RBMS3: variants seen among roughly 807,000 people sequenced by gnomAD.
RBMS3 encodes the protein RNA-binding motif, single-stranded-interacting protein 3.
In RBMS3, 27 loss-of-function variants were observed where a neutral mutation model predicts 66.8. The observed-to-expected ratio is 0.40, with a 90% CI of 0.30 to 0.56. The LOEUF is 0.56. RBMS3 is among the 20% of genes least tolerant of loss of function. The pLI is 0.40. For synonymous variants in RBMS3, 188 were observed against 183.0 expected, an observed-to-expected ratio of 1.03 and a Z score of -0.22; for missense variants, 513 against 549.5, an observed-to-expected ratio of 0.93 and a Z score of 0.66.
chr3:29,769,657 G>C (rs1054487824), intron 6 of RBMS3, among the ~76,000 whole-genome samples: 2 of 151,756 alleles, frequency 1.3e-5, no homozygotes, highest in African/African-American at 4.8e-5. Flanking sequence ...TTCCAAACCA[G>C]AGTATTTTTC....
In RBMS3 at chr3:30,003,838, A is replaced by T. The variant is rs1226516607; in HGVS notation, c.1308-18A>T. On this transcript the variant is annotated intron_variant, in intron 14 of 14. Transcript: ENST00000383767. ...TTACTTTAATTTAATGACCACTCTT[A>T]TTCAATTGTTTTCACAGACCATAAA... is the stretch of plus-strand genomic sequence containing the variant. 7.0e-7 allele frequency: 1 copy of T among 1,425,208 alleles called. No homozygotes were observed. The allele number at this position is 1,425,208 out of a possible 1,614,324, so 88.3% of individuals were successfully genotyped here.
intron 3 of RBMS3, among the ~76,000 whole-genome samples, chr3:29,502,206 G>T (rs1386023413): frequency 1.3e-5 from 2 of 151,934 alleles, no homozygotes; most frequent in Non-Finnish European, 2.9e-5. Context: ...ACTTTCAATA[G>T]CCTATACCAT....
At chr3:29,817,980 G>A (rs1362468321) in intron 6 of RBMS3, among the ~76,000 whole-genome samples, 1 of 151,900 alleles carries the variant, frequency 6.6e-6, no homozygotes, top group Non-Finnish European at 1.5e-5. Flanking sequence ...CTCTATGTTA[G>A]GTCAGATGTT....
At chr3:29,488,730 C>T (rs958995820) in intron 3 of RBMS3, among the ~76,000 whole-genome samples, 3 of 152,186 alleles carry the variant, frequency 2.0e-5, no homozygotes, top group Non-Finnish European at 4.4e-5. Flanking sequence ...TATCAAATTG[C>T]TTCAGCATAA....
At chr3:29,377,981 T>G (rs891101601) in intron 1 of RBMS3, among the ~76,000 whole-genome samples, 2 of 152,206 alleles carry the variant, frequency 1.3e-5, no homozygotes, top group Non-Finnish European at 2.9e-5. Flanking sequence ...ATTCCTGATA[T>G]TATCACCTTA....
chr3:29,707,578 C>T (rs1303457030), intron 4 of RBMS3, among the ~76,000 whole-genome samples: 3 of 152,134 alleles, frequency 2.0e-5, no homozygotes, highest in African/African-American at 7.2e-5. Context: ...TTTGCACACA[C>T]AAAAAAGCTG....
At chr3:29,317,329 G>A (rs1277745512) in intron 1 of RBMS3, among the ~76,000 whole-genome samples, 1 of 151,624 alleles carries the variant, frequency 6.6e-6, no homozygotes, top group Non-Finnish European at 1.5e-5. Flanking sequence ...TGTCCAGATA[G>A]GATATTCTTT....
intron 4 of RBMS3, among the ~76,000 whole-genome samples, chr3:29,679,916 C>A (rs2051418350): frequency 7.0e-6 from 1 of 143,618 alleles, no homozygotes; most frequent in African/African-American, 3.0e-5. Flanking sequence ...GCCTGTCTAG[C>A]TGCCCTTAAA....
rs947881960 is a variant in RBMS3, at chr3:29,937,876, A to G, written c.1050+1680A>G. Among the ~76,000 whole-genome samples the G allele has an allele frequency of 6.6e-5, 10 of 151,930 alleles. No homozygotes were observed. The South Asian group carries it at 2.1e-3, about 31-fold the overall frequency. On this transcript the variant is annotated intron_variant, in intron 11 of 14. Coordinates refer to ENST00000383767, the MANE Select transcript of RBMS3 (RefSeq NM_001003793.3). Reference sequence around the variant, plus strand: ...AGGCCTGCAGTTTCTTATTTTTATTAATATATTGTAGATTTCCCTCCATAT... The same window carrying G: ...AGGCCTGCAGTTTCTTATTTTTATTGATATATTGTAGATTTCCCTCCATAT...
intron 4 of RBMS3, among the ~76,000 whole-genome samples, chr3:29,615,723 G>C (rs1468870992): frequency 6.6e-6 from 1 of 152,116 alleles, no homozygotes; most frequent in Non-Finnish European, 1.5e-5. Context: ...AACGAATATA[G>C]AGTTCCATAA....
chr3:29,422,296 T>C (rs949678601), intron 1 of RBMS3, among the ~76,000 whole-genome samples: 7 of 151,906 alleles, frequency 4.6e-5, no homozygotes, highest in Non-Finnish European at 1.0e-4. Flanking sequence ...TGAAGCTCAA[T>C]TACTTCTTTA....
chr3:29,325,535 T>C (rs928927969), intron 1 of RBMS3, among the ~76,000 whole-genome samples: 3 of 151,916 alleles, frequency 2.0e-5, no homozygotes, highest in Admixed American at 6.6e-5. Context: ...TGTATGTATG[T>C]ATATACATGT....
At chr3:29,546,837 A>G (rs1432180636) in intron 3 of RBMS3, among the ~76,000 whole-genome samples, 1 of 152,292 alleles carries the variant, frequency 6.6e-6, no homozygotes, top group East Asian at 1.9e-4. Context: ...TGAATCAGAC[A>G]TAGTTGATGA....
At chr3:29,950,038 T>G (rs1360701819) in intron 12 of RBMS3, among the ~76,000 whole-genome samples, 1 of 151,826 alleles carries the variant, frequency 6.6e-6, no homozygotes, top group Non-Finnish European at 1.5e-5. Context: ...TGCCAGTATT[T>G]TAGCTATTCT....
intron 6 of RBMS3, among the ~76,000 whole-genome samples, chr3:29,868,117 A>G (rs1189101796): frequency 6.6e-6 from 1 of 152,122 alleles, no homozygotes; most frequent in African/African-American, 2.4e-5. Context: ...GTCATTTTCC[A>G]ATGTAATTGT....
At chr3:29,805,155 T>C (rs551693204) in intron 6 of RBMS3, among the ~76,000 whole-genome samples, 2 of 152,192 alleles carry the variant, frequency 1.3e-5, no homozygotes, top group South Asian at 4.1e-4. Flanking sequence ...CATCGTATTA[T>C]AATGGAGCTG....
chr3:29,621,616 T>G (rs1372058791), intron 4 of RBMS3, among the ~76,000 whole-genome samples: 1 of 152,178 alleles, frequency 6.6e-6, no homozygotes, highest in African/African-American at 2.4e-5. Flanking sequence ...ACCTATAACT[T>G]ATCAGAAGTC....
chr3:29,968,963 C>T (rs1024626843), intron 12 of RBMS3, among the ~76,000 whole-genome samples: 5 of 152,194 alleles, frequency 3.3e-5, no homozygotes, highest in Non-Finnish European at 7.3e-5. Flanking sequence ...TGATGGTGGT[C>T]ATTCTCCATA....
At chr3:29,843,560 T>C (rs2058711444) in intron 6 of RBMS3, among the ~76,000 whole-genome samples, 1 of 152,206 alleles carries the variant, frequency 6.6e-6, no homozygotes, top group South Asian at 2.1e-4. Flanking sequence ...ATACAAAAAA[T>C]GTATCGAGCC....
Sources: allele counts gnomAD v4.1 joint callset (sites outside exome capture counted in the v4.1 genomes callset), GRCh38; gene constraint gnomAD v4.1.1; transcripts MANE v1.5; gene names NCBI Gene and HGNC (gene_info 2026-07-23, HGNC 2026-07-21).